Variants in SEL1L3 observed in about 807,000 individuals in gnomAD.
SEL1L3 encodes protein sel-1 homolog 3.
In SEL1L3, 76 loss-of-function variants were observed where a neutral mutation model predicts 142.8. The ratio of observed to expected loss-of-function variants is 0.53; its 90% CI spans 0.44 to 0.64. SEL1L3 has a LOEUF of 0.64. SEL1L3 is among the 30% of genes least tolerant of loss of function. The probability of loss-of-function intolerance (pLI) is 0.00; values close to 1 mark genes in which losing one functional copy is unlikely to be tolerated. For missense variants in SEL1L3, 1,262 were observed against 1,381.7 expected (o/e 0.91, Z 1.37); for synonymous variants, 504 against 519.6 (o/e 0.97, Z 0.41).
At chr4:25,779,407 GTTGA>G (rs1217592083) in intron 15 of SEL1L3, among the ~76,000 whole-genome samples, 1 of 152,154 alleles carries the variant, frequency 6.6e-6, no homozygotes, top group Admixed American at 6.5e-5. Context: ...CATCTATTCT[GTTGA>G]TTAAGTTTAC....
intron 11 of SEL1L3, among the ~76,000 whole-genome samples, chr4:25,792,499 G>A (rs1560305049): frequency 6.6e-6 from 1 of 152,228 alleles, no homozygotes; most frequent in African/African-American, 2.4e-5. Flanking sequence ...ATGAGCGGGT[G>A]CTTCAGCTTA....
chr4:25,833,357 G>T, intron 4 of SEL1L3, 91 bp downstream of exon 4: 1 of 1,270,178 alleles, frequency 7.9e-7, no homozygotes. Flanking sequence ...CATGTTGACA[G>T]GATCTTCCTT....
intron 9 of SEL1L3, among the ~76,000 whole-genome samples, chr4:25,808,305 G>GCCA (rs1033789407): frequency 2.0e-5 from 3 of 152,126 alleles, no homozygotes; most frequent in African/African-American, 7.2e-5. Context: ...AGGAACAAAA[G>GCCA]CCACCACCAC....
At chr4:25,824,977 T>C (rs1242155528) in intron 6 of SEL1L3, among the ~76,000 whole-genome samples, 2 of 152,130 alleles carry the variant, frequency 1.3e-5, no homozygotes, top group Non-Finnish European at 2.9e-5. Context: ...AAATTGGGTG[T>C]TGTTTACAAG....
chr4:25,757,676 C>A lies in SEL1L3; in HGVS notation c.3186+12G>T. 2 of 1,577,886 alleles carry A rather than the reference C, an allele frequency of 1.3e-6. No individual in the cohort carries two copies. The highest frequency in any genetic ancestry group is 1.7e-6 in the Non-Finnish European group (2 of 1,162,092). ...GGCCACAAGGGTGGGGCCGGTGGGA[C>A]ATGAAACCTACCAGGGCTGAGTGCA... On this transcript the variant is annotated intron_variant, in intron 22 of 23. Transcript: ENST00000399878.
At chr4:25,834,325 C>G (rs186209400) in intron 3 of SEL1L3, among the ~76,000 whole-genome samples, 2 of 152,318 alleles carry the variant, frequency 1.3e-5, no homozygotes, top group African/African-American at 2.4e-5. Flanking sequence ...CTTGATACCG[C>G]ACACAATGCT....
chr4:25,768,303 A>G (rs1718900690), intron 17 of SEL1L3, among the ~76,000 whole-genome samples: 1 of 152,238 alleles, frequency 6.6e-6, no homozygotes, highest in South Asian at 2.1e-4. Context: ...GGCAGTTCAC[A>G]AGGGAGTTGA....
At chr4:25,714,496 TTCTTTTTCTTTCTTTCTTTC>T in the SEL1L3 span, among the ~76,000 whole-genome samples, 4 of 61,074 alleles carry the variant, frequency 6.5e-5, no homozygotes, top group South Asian at 9.4e-4. Context: ...TTCTCTTTCT[TTCTTTTTCTTTCTTTCTTTC>T]TTTCTTTCTT....
intron 11 of SEL1L3, among the ~76,000 whole-genome samples, chr4:25,791,890 C>T (rs982667726): frequency 3.3e-5 from 5 of 150,012 alleles, no homozygotes; most frequent in East Asian, 2.0e-4. Context: ...TCCAGCCTGG[C>T]GGACAGAGCG....
intron 9 of SEL1L3, among the ~76,000 whole-genome samples, chr4:25,811,941 C>A (rs937059748): frequency 6.6e-6 from 1 of 152,086 alleles, no homozygotes; most frequent in African/African-American, 2.4e-5. Context: ...CATATGGACC[C>A]GGAGGATAGG....
Position 25,783,236 on chromosome 4 carries a change from A to T in SEL1L3, c.2281-818T>A, listed in dbSNP as rs1366524490. ...TAAGTTACTTTTCTACTTCTGCCCTAGAGTTTCTGTTGGGGTCAGGAGTTG... is the reference window on the plus strand; with the variant it reads ...TAAGTTACTTTTCTACTTCTGCCCTTGAGTTTCTGTTGGGGTCAGGAGTTG... On this transcript the variant is annotated intron_variant, in intron 14 of 23. Transcript: ENST00000399878. Among the ~76,000 whole-genome samples, 4 of 152,278 alleles carry T rather than the reference A, an allele frequency of 2.6e-5. No homozygotes were observed. The East Asian group carries it at 5.8e-4, about 22-fold the overall frequency.
At chr4:25,773,356 T>C (rs1328797308) in intron 17 of SEL1L3, 1 of 152,184 alleles carries the variant, frequency 6.6e-6, no homozygotes, top group Admixed American at 6.5e-5. Context: ...TCACTAGCAC[T>C]GGCCATGTTT....
At chr4:25,717,491 C>A in the SEL1L3 span, among the ~76,000 whole-genome samples, 1 of 152,078 alleles carries the variant, frequency 6.6e-6, no homozygotes, top group African/African-American at 2.4e-5. Context: ...CATGATGAAA[C>A]CCCATCTCTA....
intron 20 of SEL1L3, among the ~76,000 whole-genome samples, chr4:25,761,635 G>T (rs1387308781): frequency 1.3e-5 from 2 of 152,118 alleles, no homozygotes; most frequent in Non-Finnish European, 2.9e-5. Flanking sequence ...AATTCCAACA[G>T]ATAAATAGGC....
intron 11 of SEL1L3, among the ~76,000 whole-genome samples, chr4:25,797,652 C>A (rs916058938): frequency 6.6e-6 from 1 of 152,128 alleles, no homozygotes; most frequent in East Asian, 1.9e-4. Flanking sequence ...CGGGTCCCCT[C>A]GAAAAGCACC....
the SEL1L3 span, among the ~76,000 whole-genome samples, chr4:25,732,192 G>A: frequency 6.6e-6 from 1 of 152,192 alleles, no homozygotes; most frequent in East Asian, 1.9e-4. Flanking sequence ...GAGGTGAAAT[G>A]TCTGGGTTGT....
At chr4:25,857,356 C>T (rs758483673) in intron 1 of SEL1L3, among the ~76,000 whole-genome samples, 26 of 152,154 alleles carry the variant, frequency 1.7e-4, no homozygotes, top group Admixed American at 2.0e-4. Context: ...TAAGATTCTC[C>T]CCCATACTAT....
intron 1 of SEL1L3, among the ~76,000 whole-genome samples, chr4:25,853,387 G>A (rs1416524236): frequency 6.6e-6 from 1 of 152,060 alleles, no homozygotes; most frequent in African/African-American, 2.4e-5. Context: ...AAAGTCTCAG[G>A]TGCAGTAAAA....
At chr4:25,817,052 A>G (rs729317) in intron 9 of SEL1L3, among the ~76,000 whole-genome samples, 38,678 of 152,220 alleles carry the variant, frequency 0.25, 6,072 homozygotes, top group Admixed American at 0.34. Flanking sequence ...TTCCTCAAGG[A>G]CAGAAGCATT....
Sources: allele counts gnomAD v4.1 joint callset (sites outside exome capture counted in the v4.1 genomes callset), GRCh38; gene constraint gnomAD v4.1.1; transcripts MANE v1.5; gene names NCBI Gene and HGNC (gene_info 2026-07-23, HGNC 2026-07-21).